Variants in TTBK2 observed in about 807,000 individuals in gnomAD.
The protein encoded by TTBK2 is tau tubulin kinase 2.
Under a neutral mutation model 110.8 loss-of-function variants are expected in TTBK2, and 28 were observed. That is an observed-to-expected ratio of 0.25 (90% confidence interval 0.19 to 0.35). The LOEUF is 0.35. Among genes scored for constraint, TTBK2 ranks in the 10% least tolerant of loss-of-function variants. The probability of loss-of-function intolerance (pLI) is 1.00; values close to 1 mark genes in which losing one functional copy is unlikely to be tolerated. For synonymous variants in TTBK2, 532 were observed against 527.3 expected, an observed-to-expected ratio of 1.01 and a Z score of -0.12; for missense variants, 1,369 against 1,500.3, an observed-to-expected ratio of 0.91 and a Z score of 1.45.
At chr15:42,883,998 C>G (rs1272294142) in intron 1 of TTBK2, among the ~76,000 whole-genome samples, 1 of 152,070 alleles carries the variant, frequency 6.6e-6, no homozygotes, top group Non-Finnish European at 1.5e-5. Context: ...ACAGTGTTGA[C>G]TTCAGGGCAA....
intron 13 of TTBK2, among the ~76,000 whole-genome samples, chr15:42,762,665 C>CA: frequency 6.6e-6 from 1 of 152,174 alleles, no homozygotes; most frequent in Non-Finnish European, 1.5e-5. Flanking sequence ...TGCACTGAGC[C>CA]AAGATCACCA....
chr15:42,777,527 G>T (rs1466046303), intron 11 of TTBK2, among the ~76,000 whole-genome samples: 1 of 152,156 alleles, frequency 6.6e-6, no homozygotes, highest in African/African-American at 2.4e-5. Flanking sequence ...TTTGAATTAT[G>T]TCTGACATGA....
rs199583405 is a variant in TTBK2 at position 42,756,709 on chromosome 15, T to TA, written c.1999-3463dup. 8.9e-3 allele frequency among the ~76,000 whole-genome samples: 1,353 copies of TA among 151,756 alleles called. 15 individuals are homozygous for TA. The highest frequency in any genetic ancestry group is 0.031 in the African/African-American group (1,292 of 41,376). ...TATAAATGTGCACATACATATGGTA[T>TA]AAAAAAAAGAGTGGCAATTTTATAC... On this transcript the variant is annotated intron_variant, in intron 13 of 14. Transcript: ENST00000267890.
intron 1 of TTBK2, among the ~76,000 whole-genome samples, chr15:42,884,108 C>T (rs1054664918): frequency 2.0e-5 from 3 of 152,076 alleles, no homozygotes; most frequent in East Asian, 1.9e-4. Flanking sequence ...CATCAAAACA[C>T]ATGAAATAAA....
chr15:42,894,221 T>A (rs1895580409), intron 1 of TTBK2, among the ~76,000 whole-genome samples: 1 of 152,168 alleles, frequency 6.6e-6, no homozygotes, highest in South Asian at 2.1e-4. Flanking sequence ...GCTTCCCCAG[T>A]CATATGGAAC....
chr15:42,893,245 C>T (rs899929414), intron 1 of TTBK2, among the ~76,000 whole-genome samples: 2 of 151,820 alleles, frequency 1.3e-5, no homozygotes, highest in African/African-American at 4.8e-5. Flanking sequence ...GCCTATAATC[C>T]CAACACTTTG....
At chr15:42,800,878 G>A (rs1488094063) in intron 9 of TTBK2, 1 of 618,308 alleles carries the variant, frequency 1.6e-6, no homozygotes, top group Admixed American at 2.8e-5. Context: ...CCTCGGGTGG[G>A]TCTCCCGTTC....
intron 6 of TTBK2, among the ~76,000 whole-genome samples, chr15:42,824,687 A>T (rs1892452836): frequency 6.6e-6 from 1 of 152,110 alleles, no homozygotes; most frequent in African/African-American, 2.4e-5. Flanking sequence ...GTAGACACAA[A>T]GGGAACGATG....
intron 10 of TTBK2, 88 bp from the exon 11 acceptor site, chr15:42,783,723 T>G: frequency 1.0e-6 from 1 of 969,914 alleles, no homozygotes; most frequent in Non-Finnish European, 1.6e-6. Context: ...TTAAATGAAC[T>G]CCACACATAA....
chr15:42,752,304 A>C lies in TTBK2; in HGVS notation c.2942T>G (p.Leu981Arg). Residue 981 changes from leucine (L) to arginine (R), a missense_variant, in exon 14 of 15, where the codon CTT (leucine) becomes CGT (arginine). Leu to Arg is a moderately radical substitution (Grantham distance 102, BLOSUM62 -2). Around this residue, in one of 4 missense-constraint regions of TTBK2, gnomAD observed 1,097 missense variants for 1,114.7 expected, o/e 0.98. Coordinates refer to ENST00000267890, the MANE Select transcript of TTBK2 (RefSeq NM_173500.4). ...CTTGAATTGTCTTTTTTCCACCAGA[A>C]GCTTGACTAGGTCTGGCTGATAGGC... ...KKAYQPDLVK[L>R]LVEKRQFKSF... 1 of 1,614,188 alleles carries C rather than the reference A, an allele frequency of 6.2e-7. No individual in the cohort carries two copies. Among genetic ancestry groups the C allele is most frequent in the Non-Finnish European group, 8.5e-7 (1 of 1,180,022 alleles).
intron 6 of TTBK2, among the ~76,000 whole-genome samples, chr15:42,820,168 C>G (rs1481711073): frequency 6.6e-6 from 1 of 152,050 alleles, no homozygotes; most frequent in East Asian, 1.9e-4. Flanking sequence ...TCATCTAATT[C>G]TAATAAGAAA....
At chr15:42,841,506 G>A (rs764021305) in intron 3 of TTBK2, among the ~76,000 whole-genome samples, 9 of 152,016 alleles carry the variant, frequency 5.9e-5, no homozygotes, top group Non-Finnish European at 1.2e-4. Flanking sequence ...CCACTGCACC[G>A]GGCCTCAAAA....
intron 10 of TTBK2, among the ~76,000 whole-genome samples, chr15:42,783,866 A>C (rs1232165678): frequency 6.6e-6 from 1 of 152,126 alleles, no homozygotes; most frequent in Non-Finnish European, 1.5e-5. Flanking sequence ...GTTCAAGACC[A>C]GCCTGGCCAA....
intron 4 of TTBK2, among the ~76,000 whole-genome samples, chr15:42,838,643 C>T (rs1334587851): frequency 6.6e-6 from 1 of 151,884 alleles, no homozygotes; most frequent in Non-Finnish European, 1.5e-5. Flanking sequence ...TGATGAAATC[C>T]CATCTCTACT....
intron 9 of TTBK2, among the ~76,000 whole-genome samples, chr15:42,799,429 CTTTTGTTTGTTT>C (rs1196015058): frequency 6.6e-6 from 1 of 151,362 alleles, no homozygotes; most frequent in Admixed American, 6.6e-5. Context: ...ACCTGTATTA[CTTTTGTTTGTTT>C]GTTTGTTTTT....
Position 42,834,196 on chromosome 15 carries a change from A to AAGG in TTBK2, c.292-4119_292-4118insCCT, listed in dbSNP as rs1555429705. Among the ~76,000 whole-genome samples, 52 of 124,314 alleles carry AAGG rather than the reference A, an allele frequency of 4.2e-4. 1 individual carries two copies. Among genetic ancestry groups the AAGG allele is most frequent in the African/African-American group, 9.1e-4 (27 of 29,776 alleles). The allele number at this position is 124,314 out of a possible 152,430, so 81.6% of individuals were successfully genotyped here. A position where few individuals can be genotyped will look rare whatever the true frequency, so the allele number is the denominator to read the frequency against. On this transcript the variant is annotated intron_variant, in intron 4 of 14. Transcript: ENST00000267890. ...AAGACCCCATCTCAAAAAAAAAAAAAGGGGGGGGGTGTATAAAAGGAAAGA... is the reference window on the plus strand; with the variant it reads ...AAGACCCCATCTCAAAAAAAAAAAAAAGGGGGGGGGGGTGTATAAAAGGAAAGA...
chr15:42,815,982 A>G (rs1891977014), intron 7 of TTBK2, among the ~76,000 whole-genome samples: 1 of 78,630 alleles, frequency 1.3e-5, no homozygotes, highest in African/African-American at 8.9e-5. Context: ...TATATATTTG[A>G]GACGGAGTCT....
chr15:42,906,706 G>A (rs567115552), intron 1 of TTBK2, among the ~76,000 whole-genome samples: 4 of 152,048 alleles, frequency 2.6e-5, no homozygotes, highest in Non-Finnish European at 4.4e-5. Context: ...AAAAGCTTCC[G>A]CACAGCAAAG....
chr15:42,902,206 A>G (rs1048438368), intron 1 of TTBK2, among the ~76,000 whole-genome samples: 4 of 140,498 alleles, frequency 2.8e-5, no homozygotes, highest in African/African-American at 1.1e-4. Flanking sequence ...ACAGAGCGAG[A>G]CTCCATCTCC....
Sources: allele counts gnomAD v4.1 joint callset (sites outside exome capture counted in the v4.1 genomes callset), GRCh38; gene constraint gnomAD v4.1.1; regional missense constraint gnomAD v4.1.1; transcripts MANE v1.5; gene names NCBI Gene and HGNC (gene_info 2026-07-23, HGNC 2026-07-21).